SMYD3: variants seen among roughly 807,000 people sequenced by gnomAD.
SMYD3 encodes the protein SET and MYND domain containing 3, also known as histone-lysine N-methyltransferase SMYD3.
In SMYD3, 36 loss-of-function variants were observed where a neutral mutation model predicts 57.7. The observed-to-expected ratio is 0.62, with a 90% CI of 0.48 to 0.82. The LOEUF (loss-of-function observed/expected upper bound fraction) is 0.82, where lower values mean the gene tolerates loss of function less well. Ranked by LOEUF, SMYD3 falls within the 40% of genes least tolerant of loss-of-function variation. SMYD3 has a pLI of 0.00. For synonymous variants in SMYD3, 211 were observed against 195.0 expected, an observed-to-expected ratio of 1.08 and a Z score of -0.68; for missense variants, 515 against 538.8, an observed-to-expected ratio of 0.96 and a Z score of 0.44.
At chr1:245,950,822 A>T (rs1418627749) in intron 5 of SMYD3, among the ~76,000 whole-genome samples, 1 of 152,184 alleles carries the variant, frequency 6.6e-6, no homozygotes, top group Non-Finnish European at 1.5e-5. Flanking sequence ...ACAGAGTTTA[A>T]ATTAGTTATT....
intron 5 of SMYD3, among the ~76,000 whole-genome samples, chr1:246,017,370 C>T (rs1376360272): frequency 1.3e-5 from 2 of 152,130 alleles, no homozygotes; most frequent in Non-Finnish European, 2.9e-5. Flanking sequence ...CCATCCAATC[C>T]TAGGTTCACC....
At chr1:245,912,395 AT>A (rs1448821240) in intron 8 of SMYD3, among the ~76,000 whole-genome samples, 1 of 152,222 alleles carries the variant, frequency 6.6e-6, no homozygotes, top group African/African-American at 2.4e-5. Context: ...ATGCTCATTA[AT>A]TGGAAGAATT....
At chr1:245,930,178 CA>C (rs2056632405) in intron 5 of SMYD3, 2 of 513,812 alleles carry the variant, frequency 3.9e-6, no homozygotes, top group Non-Finnish European at 7.2e-6. Context: ...AAAAAAAAAA[CA>C]GACGGAAACC....
intron 11 of SMYD3, among the ~76,000 whole-genome samples, chr1:245,762,992 G>T (rs1329897876): frequency 6.6e-6 from 1 of 152,192 alleles, no homozygotes; most frequent in African/African-American, 2.4e-5. Flanking sequence ...CTCTCCTTTG[G>T]AAGGGTCACG....
chr1:245,787,474 C>G (rs1168175150), intron 10 of SMYD3, among the ~76,000 whole-genome samples: 1 of 152,176 alleles, frequency 6.6e-6, no homozygotes, highest in Non-Finnish European at 1.5e-5. Context: ...GACAAGTTTT[C>G]TCTTTCACTT....
At chr1:245,849,302 T>C (rs540213987) in intron 10 of SMYD3, among the ~76,000 whole-genome samples, 24 of 152,316 alleles carry the variant, frequency 1.6e-4, no homozygotes, top group African/African-American at 5.5e-4. Context: ...AAAGAGGGGA[T>C]TGGATTATCA....
At chr1:245,872,531 C>T (rs1232192566) in intron 8 of SMYD3, among the ~76,000 whole-genome samples, 2 of 152,214 alleles carry the variant, frequency 1.3e-5, no homozygotes, top group African/African-American at 2.4e-5. Context: ...AGCCCCGTCA[C>T]TCCCTTGGAT....
At chr1:246,399,619 A>G (rs1242373140) in intron 1 of SMYD3, among the ~76,000 whole-genome samples, 1 of 152,170 alleles carries the variant, frequency 6.6e-6, no homozygotes, top group Non-Finnish European at 1.5e-5. Context: ...TGCTGGGACT[A>G]CAGGCGTGAG....
intron 5 of SMYD3, among the ~76,000 whole-genome samples, chr1:246,038,012 A>G (rs1443428694): frequency 6.6e-6 from 1 of 152,222 alleles, no homozygotes; most frequent in Non-Finnish European, 1.5e-5. Flanking sequence ...CAATATGCAA[A>G]CAAATGAGTG....
At chr1:246,185,795 A>G (rs2062630832) in intron 5 of SMYD3, among the ~76,000 whole-genome samples, 1 of 152,170 alleles carries the variant, frequency 6.6e-6, no homozygotes, top group African/African-American at 2.4e-5. Context: ...ACACCAAAGT[A>G]TCTTGTACAA....
intron 5 of SMYD3, among the ~76,000 whole-genome samples, chr1:246,277,427 G>C (rs1436807997): frequency 6.6e-6 from 1 of 152,144 alleles, no homozygotes; most frequent in Non-Finnish European, 1.5e-5. Context: ...TAGTTTGGCT[G>C]TATCTTATTT....
intron 5 of SMYD3, among the ~76,000 whole-genome samples, chr1:246,099,234 G>A (rs529930484): frequency 5.3e-5 from 8 of 152,120 alleles, no homozygotes; most frequent in Non-Finnish European, 7.4e-5. Context: ...TTTCATGGCC[G>A]GCTGTGAATA....
intron 5 of SMYD3, among the ~76,000 whole-genome samples, chr1:245,999,495 T>C (rs920662524): frequency 2.0e-5 from 3 of 152,102 alleles, no homozygotes; most frequent in African/African-American, 7.2e-5. Flanking sequence ...GAGCAAGACA[T>C]GGCAAAACCT....
intron 5 of SMYD3, among the ~76,000 whole-genome samples, chr1:246,084,634 T>C (rs2060694706): frequency 6.6e-6 from 1 of 152,218 alleles, no homozygotes; most frequent in African/African-American, 2.4e-5. Context: ...GGCAAATAAA[T>C]TTATGACACG....
At chr1:245,959,147 AAAAC>A (rs924883575) in intron 5 of SMYD3, among the ~76,000 whole-genome samples, 60 of 128,238 alleles carry the variant, frequency 4.7e-4, no homozygotes, top group East Asian at 1.2e-3. Flanking sequence ...AAACAAACAA[AAAAC>A]AAACAAACAA....
chr1:245,816,058 A>G (rs918876389), intron 10 of SMYD3, among the ~76,000 whole-genome samples: 4 of 152,214 alleles, frequency 2.6e-5, no homozygotes, highest in African/African-American at 9.6e-5. Flanking sequence ...CAGTATCTCA[A>G]GGATATTTTG....
intron 5 of SMYD3, among the ~76,000 whole-genome samples, chr1:246,002,386 G>T (rs12738962): frequency 3.6e-5 from 2 of 55,654 alleles, no homozygotes; most frequent in African/African-American, 1.2e-4. Context: ...GGGTTTCACC[G>T]TGTTAGCCAG....
At chr1:246,245,077 C>T (rs565233916) in intron 5 of SMYD3, among the ~76,000 whole-genome samples, 1 of 149,456 alleles carries the variant, frequency 6.7e-6, no homozygotes, top group Non-Finnish European at 1.5e-5. Context: ...AGACCAAGAA[C>T]CTGAACTCCA....
intron 1 of SMYD3, among the ~76,000 whole-genome samples, chr1:246,430,373 A>T (rs920475476): frequency 1.3e-5 from 2 of 152,266 alleles, no homozygotes; most frequent in Non-Finnish European, 2.9e-5. Context: ...GAAGGCAAGA[A>T]GCAAGAGTAA....
Sources: allele counts gnomAD v4.1 joint callset (sites outside exome capture counted in the v4.1 genomes callset), GRCh38; gene constraint gnomAD v4.1.1; transcripts MANE v1.5; gene names NCBI Gene and HGNC (gene_info 2026-07-23, HGNC 2026-07-21).